Variants in RANBP2 observed in about 807,000 individuals in gnomAD.
RANBP2 encodes E3 SUMO-protein ligase RanBP2.
Under a neutral mutation model 303.6 loss-of-function variants are expected in RANBP2, and 57 were observed. That is an observed-to-expected ratio of 0.19 (90% CI 0.15 to 0.23). The LOEUF (loss-of-function observed/expected upper bound fraction) is 0.23. Ranked by LOEUF, RANBP2 falls within the 10% of genes least tolerant of loss-of-function variation. RANBP2 has a pLI of 1.00. For synonymous variants in RANBP2, 1,167 were observed against 1,301.5 expected, an observed-to-expected ratio of 0.90 and a Z score of 2.23; for missense variants, 3,138 against 3,780.8, an observed-to-expected ratio of 0.83 and a Z score of 4.46.
At chr2:109,593,051 T>TA in the RANBP2 span, 1 of 1,582,676 alleles carries the variant, frequency 6.3e-7, no homozygotes, top group Non-Finnish European at 8.6e-7. Flanking sequence ...ACATACTCAC[T>TA]ATCTGTTCAT....
At chr2:109,571,024 C>T in the RANBP2 span, among the ~76,000 whole-genome samples, 9,797 of 151,954 alleles carry the variant, frequency 0.064, 752 homozygotes, top group East Asian at 0.24. Flanking sequence ...CAGAGTTGTC[C>T]CTTGCTGTTC....
chr2:109,699,175 T>TCTCA, the RANBP2 span, among the ~76,000 whole-genome samples: 8 of 152,234 alleles, frequency 5.3e-5, no homozygotes, highest in Non-Finnish European at 7.3e-5. Context: ...CTCATGCCTG[T>TCTCA]GGAATGTCAT....
the RANBP2 span, among the ~76,000 whole-genome samples, chr2:109,668,806 A>G: frequency 1.3e-5 from 2 of 152,222 alleles, no homozygotes; most frequent in African/African-American, 2.4e-5. Flanking sequence ...GGGAGATACA[A>G]AATGAGAGCA....
chr2:109,585,807 G>C, the RANBP2 span: 6 of 1,613,448 alleles, frequency 3.7e-6, no homozygotes, highest in East Asian at 1.3e-4. Flanking sequence ...AACATGGCCA[G>C]ACATAGTCAA....
chr2:108,819,286 G>C, the RANBP2 span, among the ~76,000 whole-genome samples: 1 of 152,168 alleles, frequency 6.6e-6, no homozygotes, highest in Admixed American at 6.5e-5. Context: ...TCCCCTGCCG[G>C]TATAGCGCAG....
the RANBP2 span, among the ~76,000 whole-genome samples, chr2:109,195,854 T>C: frequency 6.6e-6 from 1 of 152,204 alleles, no homozygotes; most frequent in Non-Finnish European, 1.5e-5. Context: ...GCATGGAGTC[T>C]GGCTATGCGT....
At chr2:109,258,638 C>T in the RANBP2 span, among the ~76,000 whole-genome samples, 1 of 152,250 alleles carries the variant, frequency 6.6e-6, no homozygotes, top group African/African-American at 2.4e-5. Flanking sequence ...CATCCCTGCA[C>T]TGACCAGCAG....
the RANBP2 span, among the ~76,000 whole-genome samples, chr2:109,380,673 C>T: frequency 1.3e-5 from 2 of 152,302 alleles, no homozygotes; most frequent in South Asian, 4.1e-4. Flanking sequence ...CCACAGCCCA[C>T]CTTAAATGTT....
chr2:109,712,574 G>A, the RANBP2 span, among the ~76,000 whole-genome samples: 80,634 of 151,852 alleles, frequency 0.53, 24,150 homozygotes, highest in Non-Finnish European at 0.66. Context: ...TGGGATTACA[G>A]GCGTGTGCCA....
At chr2:108,961,809 G>A in the RANBP2 span, among the ~76,000 whole-genome samples, 3 of 152,168 alleles carry the variant, frequency 2.0e-5, no homozygotes, top group African/African-American at 4.8e-5. Context: ...CTCGTGACCT[G>A]AGCCTGGGGA....
chr2:109,735,817 A>C, the RANBP2 span, among the ~76,000 whole-genome samples: 1 of 152,178 alleles, frequency 6.6e-6, no homozygotes, highest in Non-Finnish European at 1.5e-5. Flanking sequence ...GCCTCAGTGA[A>C]GTTTGAAACT....
the RANBP2 span, among the ~76,000 whole-genome samples, chr2:108,979,088 G>C: frequency 2.6e-5 from 4 of 152,300 alleles, no homozygotes; most frequent in Admixed American, 1.3e-4. Context: ...TGGAAAACCA[G>C]ATTCACTGAA....
At chr2:109,664,491 C>T in the RANBP2 span, among the ~76,000 whole-genome samples, 6 of 151,972 alleles carry the variant, frequency 3.9e-5, no homozygotes, top group African/African-American at 7.3e-5. Flanking sequence ...GTAATCCCAG[C>T]TATTCAGGAG....
chr2:109,406,207 G>T, the RANBP2 span, among the ~76,000 whole-genome samples: 1 of 152,204 alleles, frequency 6.6e-6, no homozygotes, highest in East Asian at 1.9e-4. Flanking sequence ...GTGCTCTGCT[G>T]GGGGAGGGAG....
At chr2:109,415,485 T>C in the RANBP2 span, among the ~76,000 whole-genome samples, 1 of 152,082 alleles carries the variant, frequency 6.6e-6, no homozygotes, top group Non-Finnish European at 1.5e-5. Flanking sequence ...CGGCTGCTAT[T>C]CCTACTAACA....
the RANBP2 span, among the ~76,000 whole-genome samples, chr2:109,390,233 T>C: frequency 6.6e-6 from 1 of 152,212 alleles, no homozygotes; most frequent in Non-Finnish European, 1.5e-5. Flanking sequence ...CACACACTTC[T>C]TTGCCCATAA....
At chr2:108,768,549 G>A (rs1677276347) in intron 20 of RANBP2, among the ~76,000 whole-genome samples, 161 bp downstream of exon 20, 1 of 152,140 alleles carries the variant, frequency 6.6e-6, no homozygotes, top group Non-Finnish European at 1.5e-5. Context: ...TAAGTTCACG[G>A]TGAGGTTTCA....
At chr2:109,423,593 A>C in the RANBP2 span, among the ~76,000 whole-genome samples, 1 of 151,982 alleles carries the variant, frequency 6.6e-6, no homozygotes, top group Non-Finnish European at 1.5e-5. Flanking sequence ...AGACAATAAG[A>C]CTCGGTAAAA....
At chr2:109,407,995 G>C in the RANBP2 span, among the ~76,000 whole-genome samples, 1 of 152,140 alleles carries the variant, frequency 6.6e-6, no homozygotes, top group Non-Finnish European at 1.5e-5. Flanking sequence ...GTTTCTGCCT[G>C]TGCCTCCAGG....
Sources: gnomAD v4.1 joint callset for allele counts (sites outside exome capture counted in the v4.1 genomes callset) on GRCh38, gnomAD v4.1.1 for gene constraint, MANE v1.5 for transcripts, NCBI Gene and HGNC (gene_info 2026-07-23, HGNC 2026-07-21) for gene names.